PHKB: variants seen among roughly 807,000 people sequenced by gnomAD.
The protein encoded by PHKB is phosphorylase kinase regulatory subunit beta, also known as phosphorylase b kinase regulatory subunit beta.
A neutral mutation model predicts 152.1 loss-of-function variants in PHKB; 122 were observed. That is an observed-to-expected ratio of 0.80 (90% CI 0.69 to 0.93). The LOEUF is 0.93. PHKB is among the 40% of genes least tolerant of loss of function. The probability of loss-of-function intolerance (pLI) is 0.00; values close to 1 mark genes in which losing one functional copy is unlikely to be tolerated. For missense variants in PHKB, 1,304 were observed against 1,328.4 expected (o/e 0.98, Z 0.29); for synonymous variants, 436 against 464.9 (o/e 0.94, Z 0.80).
intron 14 of PHKB, among the ~76,000 whole-genome samples, chr16:47,618,338 G>C (rs188251332): frequency 1.2e-4 from 18 of 152,114 alleles, no homozygotes; most frequent in Middle Eastern, 6.8e-3. Flanking sequence ...GGTCTGAAGA[G>C]AGATGAGAAC....
At chr16:47,690,493 A>G (rs544487664) in intron 27 of PHKB, among the ~76,000 whole-genome samples, 1 of 152,332 alleles carries the variant, frequency 6.6e-6, no homozygotes, top group Non-Finnish European at 1.5e-5. Context: ...AACAAAACAT[A>G]TGCCACAAAG....
rs909998479 is a variant in PHKB, at chr16:47,699,692, C to G, written c.*326C>G. ...TAGTTCATCAAAATGAATCTTTGCTCTTTGGACTGAATTCTTACCATACTG... is the reference window on the plus strand; with the variant it reads ...TAGTTCATCAAAATGAATCTTTGCTGTTTGGACTGAATTCTTACCATACTG... On this transcript the variant is annotated 3_prime_UTR_variant, in exon 31 of 31. Transcript: ENST00000323584. The G allele has an allele frequency of 1.7e-5, 6 of 359,252 alleles. No homozygotes were observed. The highest frequency in any genetic ancestry group is 3.2e-5 in the Non-Finnish European group (6 of 188,468). 22.3% of individuals were successfully genotyped at this position (359,252 alleles called of 1,614,324 possible).
At chr16:47,535,329 T>C (rs1213644163) in intron 6 of PHKB, among the ~76,000 whole-genome samples, 2 of 152,246 alleles carry the variant, frequency 1.3e-5, no homozygotes, top group African/African-American at 2.4e-5. Context: ...AAAAACTTCC[T>C]TTAAACTTAG....
At chr16:47,652,946 T>C (rs985738234) in intron 20 of PHKB, among the ~76,000 whole-genome samples, 1 of 152,270 alleles carries the variant, frequency 6.6e-6, no homozygotes, top group East Asian at 1.9e-4. Context: ...ACCAACCTCA[T>C]TGTGGCTTTG....
At chr16:47,663,508 C>T (rs1431413944) in intron 23 of PHKB, among the ~76,000 whole-genome samples, 169 bp from the exon 24 acceptor site, 1 of 152,156 alleles carries the variant, frequency 6.6e-6, no homozygotes, top group African/African-American at 2.4e-5. Flanking sequence ...GGGATAGTCA[C>T]ACTCTATATA....
At chr16:47,479,197 G>GAACT (rs1323341431) in intron 1 of PHKB, among the ~76,000 whole-genome samples, 2 of 152,194 alleles carry the variant, frequency 1.3e-5, no homozygotes, top group African/African-American at 2.4e-5. Context: ...ACAAGGTGGA[G>GAACT]AACTGATTGT....
intron 1 of PHKB, chr16:47,463,415 G>A (rs1297250851): frequency 1.9e-5 from 3 of 157,764 alleles, no homozygotes; most frequent in Non-Finnish European, 4.2e-5. Flanking sequence ...TTAAATTTGA[G>A]GTTTCAGATT....
Position 47,463,980 on chromosome 16 carries a change from T to C in PHKB, c.76+2554T>C, listed in dbSNP as rs770656177. 1.2e-5 allele frequency: 20 copies of C among 1,612,000 alleles called. No homozygotes were observed. The South Asian group carries it at 2.0e-4, about 16-fold the overall frequency. ...ATGCAGTCGTCTCTCCGTCTTCCGC[T>C]TTCTTAAGGTCTGGTAAGTGTTGTA... is the stretch of plus-strand genomic sequence containing the variant. On this transcript the variant is annotated intron_variant, in intron 1 of 30. Transcript: ENST00000323584.
Position 47,503,761 on chromosome 16 carries a change from G to A in PHKB, c.405+671G>A, listed in dbSNP as rs1160013941. On this transcript the variant is annotated intron_variant, in intron 4 of 30. Coordinates refer to ENST00000323584, the MANE Select transcript of PHKB (RefSeq NM_000293.3). Reference sequence around the variant, plus strand: ...GGAGAATCGCTTGAACCTGGGAGGCGGAGGTTGCAGTGAGCCAAGATCATG... The same window carrying A: ...GGAGAATCGCTTGAACCTGGGAGGCAGAGGTTGCAGTGAGCCAAGATCATG... 5.9e-5 allele frequency among the ~76,000 whole-genome samples: 9 copies of A among 152,022 alleles called. No individual in the cohort carries two copies. The South Asian group carries it at 6.2e-4, about 11-fold the overall frequency.
Position 47,464,163 on chromosome 16 carries a change from C to T in PHKB, c.76+2737C>T, listed in dbSNP as rs951805589. On this transcript the variant is annotated intron_variant, in intron 1 of 30. Transcript: ENST00000323584. ...ACTTTGCATTGTGTTTTGAATGTGG[C>T]CTATTGTGTTCTTCTCATGTGGGAT... 6 of 637,572 alleles carry T rather than the reference C, an allele frequency of 9.4e-6. No individual in the cohort carries two copies. In the African/African-American group the frequency reaches 1.1e-4, roughly 12 times the overall value. 39.5% of individuals were successfully genotyped at this position (637,572 alleles called of 1,614,324 possible). A position where few individuals can be genotyped will look rare whatever the true frequency, so the allele number is the denominator to read the frequency against.
intron 1 of PHKB, among the ~76,000 whole-genome samples, chr16:47,492,110 A>G (rs575025260): frequency 6.6e-6 from 1 of 152,306 alleles, no homozygotes; most frequent in East Asian, 1.9e-4. Context: ...GAAAGAACTC[A>G]TTTCCTAAGG....
chr16:47,571,461 C>T (rs1033519925), intron 7 of PHKB, among the ~76,000 whole-genome samples: 1 of 152,076 alleles, frequency 6.6e-6, no homozygotes, highest in Non-Finnish European at 1.5e-5. Context: ...AGCAGGAAAG[C>T]AACCTCCCTG....
chr16:47,491,281 CTA>C (rs1970146423), intron 1 of PHKB, among the ~76,000 whole-genome samples: 2 of 152,216 alleles, frequency 1.3e-5, no homozygotes, highest in South Asian at 4.2e-4. Context: ...ACATATAGAA[CTA>C]TGTCTATATG....
At chr16:47,565,528 T>G in intron 7 of PHKB, 1 of 1,242,822 alleles carries the variant, frequency 8.0e-7, no homozygotes, top group South Asian at 1.2e-5. Context: ...TTTGGGAGTT[T>G]TAGAAGTTGG....
chr16:47,671,315 T>C (rs1215658932), intron 26 of PHKB, among the ~76,000 whole-genome samples: 2 of 152,188 alleles, frequency 1.3e-5, no homozygotes, highest in Admixed American at 6.5e-5. Context: ...ATTAATATAC[T>C]CTGAGAGCAT....
chr16:47,603,791 C>T (rs891669295), intron 13 of PHKB, among the ~76,000 whole-genome samples: 8 of 152,198 alleles, frequency 5.3e-5, no homozygotes, highest in African/African-American at 1.9e-4. Context: ...AGGCATGAGC[C>T]ACCACGCTTG....
chr16:47,501,961 GT>G lies in PHKB; in HGVS notation c.306-1029del, dbSNP rs147012000. On this transcript the variant is annotated intron_variant, in intron 3 of 30. Transcript: ENST00000323584. The stretch of plus-strand genomic sequence containing the variant: ...ATAGAGCAAATTCATGCTAATTTTT[GT>G]GCAATGCCAGCATGAAAAAGAAGGT... Among the ~76,000 whole-genome samples, 26 of 152,244 alleles carry G rather than the reference GT, an allele frequency of 1.7e-4. No homozygotes were observed. The East Asian group carries it at 5.0e-3, about 29-fold the overall frequency.
chr16:47,666,072 G>A, intron 25 of PHKB: 1 of 1,436,936 alleles, frequency 7.0e-7, no homozygotes, highest in Non-Finnish European at 9.8e-7. Context: ...GGTCCCGGTT[G>A]CAAAGATTTC....
intron 14 of PHKB, among the ~76,000 whole-genome samples, chr16:47,636,436 T>C (rs1349928384): frequency 6.6e-6 from 1 of 152,108 alleles, no homozygotes; most frequent in Admixed American, 6.5e-5. Flanking sequence ...TGCTCTCAGG[T>C]GCAGCTGCAG....
Sources: gnomAD v4.1 joint callset for allele counts (sites outside exome capture counted in the v4.1 genomes callset) on GRCh38, gnomAD v4.1.1 for gene constraint, MANE v1.5 for transcripts, NCBI Gene and HGNC (gene_info 2026-07-23, HGNC 2026-07-21) for gene names.